VAC14: variants seen among roughly 807,000 people sequenced by gnomAD.
The protein encoded by VAC14 is VAC14 component of PIKFYVE complex.
VAC14 carries 47 observed loss-of-function variants against 85.3 expected under a neutral mutation model. That is an observed-to-expected ratio of 0.55 (90% confidence interval 0.44 to 0.70). The LOEUF (loss-of-function observed/expected upper bound fraction) is 0.70. Ranked by LOEUF, VAC14 falls within the 30% of genes least tolerant of loss-of-function variation. VAC14 has a pLI of 0.00. For missense variants in VAC14, 861 were observed against 1,004.3 expected, an observed-to-expected ratio of 0.86 and a Z score of 1.93; for synonymous variants, 447 against 430.5, an observed-to-expected ratio of 1.04 and a Z score of -0.47.
chr16:70,704,111 C>A (rs2053878601), intron 14 of VAC14, among the ~76,000 whole-genome samples: 1 of 152,202 alleles, frequency 6.6e-6, no homozygotes. Flanking sequence ...GTGGGAGATG[C>A]TCTCCCAAAC....
chr16:70,795,081 TA>T (rs2034487517), intron 1 of VAC14, among the ~76,000 whole-genome samples: 1 of 152,240 alleles, frequency 6.6e-6, no homozygotes, highest in Admixed American at 6.5e-5. Flanking sequence ...CCATATAGCC[TA>T]GTGTGTGGCA....
intron 1 of VAC14, among the ~76,000 whole-genome samples, chr16:70,796,072 C>T (rs1332414397): frequency 1.3e-5 from 2 of 152,144 alleles, no homozygotes; most frequent in African/African-American, 4.8e-5. Context: ...CCCACAAAAC[C>T]GGCAACAGCC....
At chr16:70,763,560 G>T (rs1306605821) in intron 10 of VAC14, among the ~76,000 whole-genome samples, 3 of 152,346 alleles carry the variant, frequency 2.0e-5, no homozygotes, top group African/African-American at 7.2e-5. Context: ...TCTCAAGTGA[G>T]GTCAGGGATC....
Position 70,698,624 on chromosome 16 carries a change from G to T in VAC14, c.1836+13C>A, listed in dbSNP as rs541791197. ...AGGAGACGCCTGAGGATGGAGTCCC[G>T]GACGCAGCCTACCAGGGTCTTCAGG... On this transcript the variant is annotated intron_variant, in intron 15 of 18. Coordinates refer to ENST00000261776, the MANE Select transcript of VAC14 (RefSeq NM_018052.5). 2 of 1,613,656 alleles carry T rather than the reference G, an allele frequency of 1.2e-6. No homozygotes were observed. Among genetic ancestry groups the T allele is most frequent in the Non-Finnish European group, 1.7e-6 (2 of 1,179,778 alleles).
At chr16:70,730,595 T>C (rs1385811621) in intron 14 of VAC14, among the ~76,000 whole-genome samples, 3 of 83,204 alleles carry the variant, frequency 3.6e-5, no homozygotes, top group South Asian at 3.0e-4. Context: ...AGGCCCAGGC[T>C]TTTTTTTTTT....
At chr16:70,757,815 C>T (rs1385542741) in intron 12 of VAC14, among the ~76,000 whole-genome samples, 1 of 152,218 alleles carries the variant, frequency 6.6e-6, no homozygotes, top group Admixed American at 6.5e-5. Flanking sequence ...GAGCATTTGA[C>T]ATTCATGATC....
rs558652666 is a variant in VAC14 at position 70,783,142 on chromosome 16, A to G, written c.705-3T>C. 5 of 1,613,316 alleles carry G rather than the reference A, an allele frequency of 3.1e-6. No homozygotes were observed. The South Asian group carries it at 4.4e-5, about 14-fold the overall frequency. ...ATTCTCCAAGAACAACCTCACACCT[A>G]TGAACAAGAACAGGAAAGTGGAAAC... On this transcript the variant is annotated splice_region_variant and splice_polypyrimidine_tract_variant and intron_variant, in intron 6 of 18. Transcript: ENST00000261776.
In VAC14 at chr16:70,762,767, G is replaced by A. The variant is rs569033622; in HGVS notation, c.1305+114C>T. 69 of 1,546,526 alleles carry A rather than the reference G, an allele frequency of 4.5e-5. No homozygotes were observed. Among genetic ancestry groups the A allele is most frequent in the East Asian group, 3.9e-4 (17 of 43,346 alleles). On this transcript the variant is annotated intron_variant, in intron 11 of 18. Transcript: ENST00000261776. The surrounding 1 kb of genome is among the most constrained non-coding windows in gnomAD (Gnocchi z 4.1). ...TCGCAGCACCTGTCACTTCTCTGCCGGCCAGGGTTTCCCTAGAAGGGCAAT... is the reference window on the plus strand; with the variant it reads ...TCGCAGCACCTGTCACTTCTCTGCCAGCCAGGGTTTCCCTAGAAGGGCAAT...
intron 17 of VAC14, among the ~76,000 whole-genome samples, chr16:70,695,174 C>G (rs990589228): frequency 6.7e-6 from 1 of 149,632 alleles, no homozygotes; most frequent in Non-Finnish European, 1.5e-5. Context: ...TGCAGTGGTA[C>G]AGTCACAGAT....
Position 70,772,232 on chromosome 16 carries a change from G to A in VAC14, c.1097-60C>T, listed in dbSNP as rs2033274626. On this transcript the variant is annotated intron_variant, in intron 9 of 18. Transcript: ENST00000261776. ...GCTGTTGGCTCTCTTGAATAAACAAGACCCCTGTGACAAGCACACACAGAA... is the reference window on the plus strand; with the variant it reads ...GCTGTTGGCTCTCTTGAATAAACAAAACCCCTGTGACAAGCACACACAGAA... 2.1e-6 allele frequency: 3 copies of A among 1,415,970 alleles called. No individual in the cohort carries two copies. The Admixed American group carries it at 5.1e-5, about 24-fold the overall frequency. The allele number at this position is 1,415,970 out of a possible 1,614,324, so 87.7% of individuals were successfully genotyped here.
Position 70,744,640 on chromosome 16 carries a change from C to T in VAC14, c.1372-61G>A, listed in dbSNP as rs2030693896. On this transcript the variant is annotated intron_variant, in intron 12 of 18. Transcript: ENST00000261776. ...CCGCTGAGAGCTGTGCTGACCTGGG[C>T]AGAGGTGCGGTTGGTGGCACACAGC... 4.6e-6 allele frequency: 7 copies of T among 1,509,076 alleles called. No homozygotes were observed. The South Asian group carries it at 9.3e-5, about 20-fold the overall frequency. 93.5% of individuals were successfully genotyped at this position (1,509,076 alleles called of 1,614,324 possible).
In VAC14 at chr16:70,760,962, G is replaced by GGTGTGTGTGTGTGTGT. The variant is rs10671938; in HGVS notation, c.1371+1562_1371+1577dup. Reference sequence around the variant, plus strand: ...TGCAGGGGGTGGTGCACGAAGAGAGGGTGTGTGTGTGTGTGTGTGTGTGTG... The same window carrying GGTGTGTGTGTGTGTGT: ...TGCAGGGGGTGGTGCACGAAGAGAGGGTGTGTGTGTGTGTGTGTGTGTGTGTGTGTGTGTGTGTGTG... On this transcript the variant is annotated intron_variant, in intron 12 of 18. Coordinates refer to ENST00000261776, the MANE Select transcript of VAC14 (RefSeq NM_018052.5). Among the ~76,000 whole-genome samples the GGTGTGTGTGTGTGTGT allele has an allele frequency of 8.2e-4, 39 of 47,608 alleles. 2 individuals are homozygous for GGTGTGTGTGTGTGTGT. The highest frequency in any genetic ancestry group is 2.9e-3 in the East Asian group (4 of 1,366). The allele number at this position is 47,608 out of a possible 152,430, so 31.2% of individuals were successfully genotyped here.
At chr16:70,736,778 T>G (rs1478864475) in intron 13 of VAC14, among the ~76,000 whole-genome samples, 1 of 152,174 alleles carries the variant, frequency 6.6e-6, no homozygotes, top group African/African-American at 2.4e-5. Context: ...GCTTAAAGAC[T>G]TTCTGCCCTC....
At chr16:70,779,973 G>T (rs1029115795) in intron 9 of VAC14, among the ~76,000 whole-genome samples, 25 of 151,780 alleles carry the variant, frequency 1.6e-4, no homozygotes, top group Non-Finnish European at 2.6e-4. Flanking sequence ...TTCCTGAGGA[G>T]CTGGGACTAT....
chr16:70,717,256 G>A (rs925401103), intron 14 of VAC14, among the ~76,000 whole-genome samples: 23 of 152,220 alleles, frequency 1.5e-4, no homozygotes, highest in East Asian at 1.9e-4. Flanking sequence ...CTGGGGTGCC[G>A]AGAGGGCCGG....
intron 1 of VAC14, among the ~76,000 whole-genome samples, chr16:70,794,024 C>G (rs921407969): frequency 1.3e-4 from 20 of 152,082 alleles, no homozygotes; most frequent in Non-Finnish European, 2.6e-4. Context: ...AAAGGAGAAG[C>G]AAGAGTCAGT....
At chr16:70,793,121 A>G (rs2034407763) in intron 1 of VAC14, among the ~76,000 whole-genome samples, 2 of 152,198 alleles carry the variant, frequency 1.3e-5, no homozygotes, top group South Asian at 4.1e-4. Context: ...AAGGCCCCCA[A>G]GTGAAACGTA....
At position 70,689,552 on chromosome 16, in the gene VAC14, G is replaced by A. The variant is rs768389533; in HGVS notation, c.2187-1462C>T. On this transcript the variant is annotated intron_variant, in intron 18 of 18. Coordinates refer to ENST00000261776, the MANE Select transcript of VAC14 (RefSeq NM_018052.5). ...GAGATGCCATCTGGGGCCCGGAGGC[G>A]GCCTCCTGCACCCCTGCTCAGCTCT... 13 of 985,590 alleles carry A rather than the reference G, an allele frequency of 1.3e-5. No individual in the cohort carries two copies. The Admixed American group carries it at 1.8e-4, about 14-fold the overall frequency. 61.1% of individuals were successfully genotyped at this position (985,590 alleles called of 1,614,324 possible).
intron 10 of VAC14, chr16:70,770,144 G>C (rs2033108373): frequency 6.6e-6 from 1 of 152,242 alleles, no homozygotes; most frequent in Non-Finnish European, 1.5e-5. Flanking sequence ...TCCAGCCCTG[G>C]TGTGCAAATG....
Sources: gnomAD v4.1 joint callset for allele counts (sites outside exome capture counted in the v4.1 genomes callset) on GRCh38, gnomAD v4.1.1 for gene constraint, Gnocchi (gnomAD v3.1) non-coding constraint, MANE v1.5 for transcripts, NCBI Gene and HGNC (gene_info 2026-07-23, HGNC 2026-07-21) for gene names.